CEP350: variants seen among roughly 807,000 people sequenced by gnomAD.
CEP350 encodes the protein centrosomal protein 350, also known as centrosome-associated protein 350.
Under a neutral mutation model 331.8 loss-of-function variants are expected in CEP350, and 126 were observed. The observed-to-expected ratio is 0.38, with a 90% CI of 0.33 to 0.44. The LOEUF (loss-of-function observed/expected upper bound fraction) is 0.44, where lower values mean the gene tolerates loss of function less well. CEP350 is among the 20% of genes least tolerant of loss of function. The pLI is 1.00. For synonymous variants in CEP350, 1,200 were observed against 1,259.5 expected (o/e 0.95, Z 1.00); for missense variants, 3,406 against 3,634.6 (o/e 0.94, Z 1.62).
chr1:180,077,414 C>G (rs1659293508), intron 28 of CEP350, among the ~76,000 whole-genome samples: 1 of 151,760 alleles, frequency 6.6e-6, no homozygotes, highest in African/African-American at 2.4e-5. Flanking sequence ...TGGCTCACAC[C>G]TATAATCCCA....
chr1:180,004,957 C>A (rs1371727968), intron 7 of CEP350, among the ~76,000 whole-genome samples: 1 of 45,514 alleles, frequency 2.2e-5, no homozygotes, highest in Non-Finnish European at 5.6e-5. Flanking sequence ...CTTTCTTTCC[C>A]CTCTCTCTCT....
chr1:180,071,819 T>G (rs1241441742), intron 27 of CEP350, among the ~76,000 whole-genome samples: 1 of 152,186 alleles, frequency 6.6e-6, no homozygotes, highest in East Asian at 1.9e-4. Flanking sequence ...ATTAATTCCT[T>G]AAGTTCAAAC....
At chr1:179,969,542 G>A in intron 1 of CEP350, 1 of 369,612 alleles carries the variant, frequency 2.7e-6, no homozygotes, top group South Asian at 2.1e-5. Flanking sequence ...TAAGCAACAT[G>A]GAAACAGGGT....
At chr1:180,004,817 C>G (rs2148757372) in intron 7 of CEP350, among the ~76,000 whole-genome samples, 1 of 152,096 alleles carries the variant, frequency 6.6e-6, no homozygotes, top group Middle Eastern at 3.4e-3. Context: ...TGTTTTTTTC[C>G]TAATCATCAG....
chr1:179,988,609 C>G (rs1170759323), intron 3 of CEP350, among the ~76,000 whole-genome samples: 2 of 151,786 alleles, frequency 1.3e-5, no homozygotes, highest in African/African-American at 4.8e-5. Flanking sequence ...TCTGGCCAAT[C>G]TTGTCTAAAG....
Position 179,992,119 on chromosome 1 carries a change from C to A in CEP350, c.293C>A (p.Ser98Ter). 2 of 1,552,426 alleles carry A rather than the reference C, an allele frequency of 1.3e-6. No homozygotes were observed. Among genetic ancestry groups the A allele is most frequent in the Admixed American group, 2.0e-5 (1 of 49,150 alleles). ...VNAPISKSTKSRKEKSRSPLR... is the reference protein window; with the variant it reads ...VNAPISKSTK ...GCTCCAATCTCCAAATCCACTAAAT[C>A]ACGAAAAGAGAAATCTCGTAGTCCT... Residue 98 changes from serine (S) to a stop codon, truncating the protein, a stop_gained, in exon 5 of 38, where the codon TCA becomes TAA. Coordinates refer to ENST00000367607, the MANE Select transcript of CEP350 (RefSeq NM_014810.5). LOFTEE classifies it high-confidence loss of function.
In CEP350 at chr1:180,078,357, A is replaced by G. The variant is rs1659362330; in HGVS notation, c.5768-106A>G. 7.6e-6 allele frequency: 6 copies of G among 784,982 alleles called. No individual in the cohort carries two copies. The Admixed American group carries it at 1.0e-4, about 14-fold the overall frequency. The allele number at this position is 784,982 out of a possible 1,614,324, so 48.6% of individuals were successfully genotyped here. On this transcript the variant is annotated intron_variant, in intron 28 of 37. Coordinates refer to ENST00000367607, the MANE Select transcript of CEP350 (RefSeq NM_014810.5). ...TATGACTCTCCTGTTTGTGGGAGAC[A>G]AAAATGCAGTAAGTAATAATATGCT...
chr1:180,034,604 G>C (rs1656231611), intron 16 of CEP350, among the ~76,000 whole-genome samples: 1 of 151,760 alleles, frequency 6.6e-6, no homozygotes, highest in Non-Finnish European at 1.5e-5. Flanking sequence ...AATATTTCAG[G>C]CTTTCCATTA....
intron 32 of CEP350, among the ~76,000 whole-genome samples, chr1:180,089,012 A>G (rs534023459): frequency 9.2e-5 from 14 of 152,250 alleles, no homozygotes; most frequent in African/African-American, 3.1e-4. Context: ...TTTTTGTTAC[A>G]TATGTATTTT....
At chr1:179,965,889 G>C (rs1650979660) in intron 1 of CEP350, among the ~76,000 whole-genome samples, 1 of 152,036 alleles carries the variant, frequency 6.6e-6, no homozygotes, top group Non-Finnish European at 1.5e-5. Context: ...GCCTTCCAAA[G>C]TGCTGGGATT....
chr1:180,107,471 C>A (rs1452197263), intron 37 of CEP350, among the ~76,000 whole-genome samples: 2 of 152,172 alleles, frequency 1.3e-5, no homozygotes, highest in African/African-American at 4.8e-5. Context: ...GAGTTTGAGA[C>A]CAGCCTGGCC....
intron 28 of CEP350, 146 bp downstream of exon 28, chr1:180,075,367 G>A (rs1659151608): frequency 1.7e-5 from 14 of 808,622 alleles, no homozygotes; most frequent in East Asian, 5.6e-5. Context: ...CCAGAGGATC[G>A]CCTGAGGCCA....
chr1:180,012,610 A>G (rs373054536), intron 9 of CEP350, among the ~76,000 whole-genome samples: 20 of 152,308 alleles, frequency 1.3e-4, no homozygotes, highest in African/African-American at 4.8e-4. Flanking sequence ...TCAAATAACT[A>G]CTTTTTTCAT....
intron 26 of CEP350, among the ~76,000 whole-genome samples, chr1:180,064,794 C>T (rs1658445773): frequency 6.6e-6 from 1 of 151,842 alleles, no homozygotes; most frequent in Non-Finnish European, 1.5e-5. Flanking sequence ...TTTGAAATCT[C>T]AGAGAGGATG....
intron 4 of CEP350, among the ~76,000 whole-genome samples, chr1:179,991,298 G>A (rs1653038450): frequency 7.0e-6 from 1 of 143,792 alleles, no homozygotes; most frequent in Non-Finnish European, 1.5e-5. Flanking sequence ...TTTTGATTCT[G>A]TGGTTTCTTT....
chr1:180,015,993 T>C, intron 11 of CEP350, 23 bp downstream of exon 11: 3 of 1,610,892 alleles, frequency 1.9e-6, no homozygotes, highest in Non-Finnish European at 2.5e-6. Flanking sequence ...GAATGAAAGA[T>C]GATTAAGATT....
At chr1:180,075,453 G>A (rs886901772) in intron 28 of CEP350, among the ~76,000 whole-genome samples, 6 of 151,982 alleles carry the variant, frequency 3.9e-5, no homozygotes, top group Admixed American at 1.3e-4. Flanking sequence ...GGGTGTGGTG[G>A]TACATGCCTA....
chr1:180,084,219 G>A, intron 31 of CEP350, 41 bp downstream of exon 31: 1 of 1,510,904 alleles, frequency 6.6e-7, no homozygotes, highest in Non-Finnish European at 8.9e-7. Context: ...CAAGGCTAAT[G>A]TGTATGTGAC....
Position 180,054,402 on chromosome 1 carries a change from A to G in CEP350, c.5175-13A>G. 1 of 1,560,694 alleles carries G rather than the reference A, an allele frequency of 6.4e-7. No individual in the cohort carries two copies. The highest frequency in any genetic ancestry group is 8.7e-7 in the Non-Finnish European group (1 of 1,147,082). ...AATCAAATCTTTGTCTCAATGAAAA[A>G]TATTATTTGCAGACATCTACGAGAC... On this transcript the variant is annotated splice_polypyrimidine_tract_variant and intron_variant, in intron 24 of 37. Transcript: ENST00000367607.
Sources: gnomAD v4.1 joint callset for allele counts (sites outside exome capture counted in the v4.1 genomes callset) on GRCh38, gnomAD v4.1.1 for gene constraint, MANE v1.5 for transcripts, NCBI Gene and HGNC (gene_info 2026-07-23, HGNC 2026-07-21) for gene names.